TRERF1: variants seen among roughly 807,000 people sequenced by gnomAD.
TRERF1 encodes transcriptional regulating factor 1.
TRERF1 carries 27 observed loss-of-function variants against 122.9 expected under a neutral mutation model. The observed-to-expected ratio is 0.22, with a 90% CI of 0.16 to 0.30. TRERF1 has a LOEUF of 0.30. Among genes scored for constraint, TRERF1 ranks in the 10% least tolerant of loss-of-function variants. The pLI is 1.00. For missense variants in TRERF1, 1,248 were observed against 1,560.3 expected, an observed-to-expected ratio of 0.80 and a Z score of 3.37; for synonymous variants, 636 against 641.7, an observed-to-expected ratio of 0.99 and a Z score of 0.13.
At chr6:42,446,311 C>G (rs1787508206) in intron 2 of TRERF1, among the ~76,000 whole-genome samples, 1 of 152,206 alleles carries the variant, frequency 6.6e-6, no homozygotes, top group South Asian at 2.1e-4. Flanking sequence ...ATGCTGCCCT[C>G]CCTCCTTCAT....
At chr6:42,408,332 T>C (rs1196534460) in intron 2 of TRERF1, among the ~76,000 whole-genome samples, 1 of 142,464 alleles carries the variant, frequency 7.0e-6, no homozygotes, top group Non-Finnish European at 1.5e-5. Flanking sequence ...TATATATATA[T>C]ATACATACAC....
intron 2 of TRERF1, among the ~76,000 whole-genome samples, chr6:42,442,214 G>C (rs537577626): frequency 6.6e-6 from 1 of 151,840 alleles, no homozygotes; most frequent in Non-Finnish European, 1.5e-5. Flanking sequence ...GAACTCAAAC[G>C]ACACTCCTAT....
chr6:42,305,435 G>A (rs1787030483), intron 3 of TRERF1, among the ~76,000 whole-genome samples: 1 of 152,184 alleles, frequency 6.6e-6, no homozygotes, highest in African/African-American at 2.4e-5. Flanking sequence ...AGGCCACACT[G>A]CTGTCTGAGT....
At chr6:42,233,579 CT>C (rs1771309940) in intron 16 of TRERF1, among the ~76,000 whole-genome samples, 1 of 152,326 alleles carries the variant, frequency 6.6e-6, no homozygotes, top group South Asian at 2.1e-4. Flanking sequence ...GCCACCACGC[CT>C]GGCCTCAAAC....
At position 42,253,539 on chromosome 6, in the gene TRERF1, C is replaced by T. The variant is rs150127703; in HGVS notation, c.2656+1312G>A. 8.9e-3 allele frequency among the ~76,000 whole-genome samples: 1,350 copies of T among 152,248 alleles called. 9 individuals are homozygous for T. The highest frequency in any genetic ancestry group is 0.024 in the Middle Eastern group (7 of 294). On this transcript the variant is annotated intron_variant, in intron 13 of 17. Coordinates refer to ENST00000372922, the Ensembl canonical transcript of TRERF1. ...TTTTTACCCACACTTGGGACAGACA[C>T]CAAGCAGGAAATGATGGAGAAAATA...
intron 2 of TRERF1, among the ~76,000 whole-genome samples, chr6:42,364,455 C>G (rs1772345481): frequency 6.6e-6 from 1 of 152,192 alleles, no homozygotes; most frequent in African/African-American, 2.4e-5. Context: ...GCAGGGACAT[C>G]GTATTATGGT....
At position 42,268,889 on chromosome 6, in the gene TRERF1, A is replaced by G; in HGVS notation, c.702T>C (p.Tyr234=). Residue 234 remains tyrosine, a synonymous_variant, in exon 5 of 18, where the codon TAT becomes TAC. Transcript: ENST00000372922. The surrounding 1 kb of genome is among the most constrained non-coding windows in gnomAD (Gnocchi z 4.4). The stretch of plus-strand genomic sequence containing the variant: ...CCTGAGCCAGAGGCTGCTGGTAGTC[A>G]TAATACAGGTGCCCTTGGGTAGGGT... The G allele has an allele frequency of 6.2e-7, 1 of 1,613,892 alleles. No homozygotes were observed. The highest frequency in any genetic ancestry group is 1.3e-5 in the African/African-American group (1 of 75,022).
chr6:42,381,186 T>C (rs1038221533), intron 2 of TRERF1, among the ~76,000 whole-genome samples: 1 of 152,052 alleles, frequency 6.6e-6, no homozygotes, highest in Non-Finnish European at 1.5e-5. Context: ...CCCTAACAGA[T>C]TGGGAGTCCC....
At chr6:42,282,375 C>A (rs371934855) in intron 4 of TRERF1, among the ~76,000 whole-genome samples, 1 of 152,288 alleles carries the variant, frequency 6.6e-6, no homozygotes, top group East Asian at 1.9e-4. Flanking sequence ...TGGGGAAACC[C>A]TGTCTCTACA....
At chr6:42,387,961 C>T (rs1296804256) in intron 2 of TRERF1, among the ~76,000 whole-genome samples, 1 of 152,148 alleles carries the variant, frequency 6.6e-6, no homozygotes, top group Non-Finnish European at 1.5e-5. Flanking sequence ...GTACATGCCA[C>T]CACGCTTGGC....
chr6:42,440,672 C>A (rs890104147), intron 2 of TRERF1, among the ~76,000 whole-genome samples: 10 of 152,286 alleles, frequency 6.6e-5, no homozygotes, highest in African/African-American at 2.4e-4. Context: ...TACCAAAATT[C>A]TCCTCAAATT....
At position 42,307,010 on chromosome 6, in the gene TRERF1, C is replaced by G. The variant is rs114215225; in HGVS notation, c.-370-6261G>C. On this transcript the variant is annotated intron_variant, in intron 3 of 17. Coordinates refer to ENST00000372922, the Ensembl canonical transcript of TRERF1. ...GGCTCTTGTTGAACACCCTGTTAAA[C>G]AAGAGCGTGTAAAGCTCGCCAGGTG... is the stretch of plus-strand genomic sequence containing the variant. 3.6e-3 allele frequency among the ~76,000 whole-genome samples: 542 copies of G among 152,236 alleles called. 4 individuals are homozygous for G. Among genetic ancestry groups the G allele is most frequent in the African/African-American group, 0.012 (515 of 41,548 alleles).
At position 42,259,848 on chromosome 6, in the gene TRERF1, C is replaced by T. The variant is rs1017716998; in HGVS notation, c.1885-125G>A. 2.3e-6 allele frequency: 3 copies of T among 1,322,216 alleles called. No homozygotes were observed. Among genetic ancestry groups the T allele is most frequent in the African/African-American group, 2.9e-5 (2 of 68,264 alleles). The allele number at this position is 1,322,216 out of a possible 1,614,324, so 81.9% of individuals were successfully genotyped here. On this transcript the variant is annotated intron_variant, in intron 8 of 17. Transcript: ENST00000372922. The surrounding 1 kb of genome is among the most constrained non-coding windows in gnomAD (Gnocchi z 4.9). ...GCCCTTCTGCTTGACCCCCCCACCC[C>T]CAACGCCCCCACATTCTGACCACAT...
At position 42,263,275 on chromosome 6, in the gene TRERF1, G is replaced by A. The variant is rs1778557163; in HGVS notation, c.1884+45C>T. 4 of 1,565,234 alleles carry A rather than the reference G, an allele frequency of 2.6e-6. No homozygotes were observed. The highest frequency in any genetic ancestry group is 1.7e-4 in the Middle Eastern group (1 of 5,860). On this transcript the variant is annotated intron_variant, in intron 8 of 17. Coordinates refer to ENST00000372922, the Ensembl canonical transcript of TRERF1. The surrounding 1 kb of genome is among the most constrained non-coding windows in gnomAD (Gnocchi z 5.6). ...AGCAACTCACAGCAGGCGTGCGGGG[G>A]GCAGCCCCTTGGGGTGAGTGTGGGG...
rs1410890305 is a variant in TRERF1, at chr6:42,232,900, A to G, written c.3067-8T>C. 6.3e-7 allele frequency: 1 copy of G among 1,588,376 alleles called. No homozygotes were observed. Among genetic ancestry groups the G allele is most frequent in the Admixed American group, 1.8e-5 (1 of 56,658 alleles). On this transcript the variant is annotated splice_region_variant and splice_polypyrimidine_tract_variant and intron_variant, in intron 16 of 17. Transcript: ENST00000372922. This position sits in a 1 kb window ranked among gnomAD's most constrained non-coding sequence, Gnocchi z 4.5. ...CTGTCGGGAGCTGAACACCTGGGGA[A>G]GAAAGGGAGTGACATGACATCTACA...
At chr6:42,427,958 T>C (rs1431947569) in intron 2 of TRERF1, among the ~76,000 whole-genome samples, 1 of 152,112 alleles carries the variant, frequency 6.6e-6, no homozygotes, top group East Asian at 1.9e-4. Context: ...TTACACCAAG[T>C]CATATACACC....
At chr6:42,312,443 G>A (rs1413801028) in intron 3 of TRERF1, among the ~76,000 whole-genome samples, 2 of 152,216 alleles carry the variant, frequency 1.3e-5, no homozygotes, top group Admixed American at 1.3e-4. Context: ...GGAGTCAGTA[G>A]AAGTGGGGCA....
chr6:42,355,534 C>G (rs897269241), intron 3 of TRERF1, among the ~76,000 whole-genome samples: 1 of 152,160 alleles, frequency 6.6e-6, no homozygotes. Flanking sequence ...GATATCAGGG[C>G]CTTGCTTGCT....
intron 3 of TRERF1, among the ~76,000 whole-genome samples, chr6:42,343,898 C>T (rs779247902): frequency 6.6e-6 from 1 of 152,234 alleles, no homozygotes; most frequent in Non-Finnish European, 1.5e-5. Context: ...GGAAGACGGA[C>T]TGACGCATAA....
Sources: gnomAD v4.1 joint callset for allele counts (sites outside exome capture counted in the v4.1 genomes callset) on GRCh38, gnomAD v4.1.1 for gene constraint, Gnocchi (gnomAD v3.1) non-coding constraint, MANE v1.5 for transcripts, NCBI Gene and HGNC (gene_info 2026-07-23, HGNC 2026-07-21) for gene names.